The following METTL2B variants were observed in gnomAD, a reference collection of about 807,000 sequenced individuals.
METTL2B encodes the protein tRNA N(3)-cytidine methyltransferase METTL2B.
METTL2B carries 28 observed loss-of-function variants against 51.0 expected under a neutral mutation model. The ratio of observed to expected loss-of-function variants is 0.55; its 90% CI spans 0.41 to 0.75. The LOEUF (loss-of-function observed/expected upper bound fraction) is 0.75, where lower values mean the gene tolerates loss of function less well. Ranked by LOEUF, METTL2B falls within the 30% of genes least tolerant of loss-of-function variation. The pLI is 0.00. For missense variants in METTL2B, 313 were observed against 460.7 expected (o/e 0.68, Z 2.93); for synonymous variants, 128 against 166.3 (o/e 0.77, Z 1.77).
chr7:128,478,210 T>A (rs1799827183), intron 2 of METTL2B, among the ~76,000 whole-genome samples: 1 of 151,950 alleles, frequency 6.6e-6, no homozygotes, highest in African/African-American at 2.4e-5. Flanking sequence ...TCTGGGACTG[T>A]CATGATCACC....
At chr7:128,478,788 C>T (rs1313952001) in intron 2 of METTL2B, among the ~76,000 whole-genome samples, 1 of 151,836 alleles carries the variant, frequency 6.6e-6, no homozygotes, top group Non-Finnish European at 1.5e-5. Flanking sequence ...GGCATGAACC[C>T]GGGAGGTGGA....
intron 7 of METTL2B, among the ~76,000 whole-genome samples, chr7:128,499,286 C>G (rs1792982584): frequency 6.6e-6 from 1 of 152,138 alleles, no homozygotes; most frequent in Admixed American, 6.6e-5. Context: ...CAAGTTAGTA[C>G]TTCTTATTGC....
At chr7:128,492,358 A>G (rs1002585588) in intron 5 of METTL2B, among the ~76,000 whole-genome samples, 9 of 151,584 alleles carry the variant, frequency 5.9e-5, no homozygotes, top group African/African-American at 2.2e-4. Context: ...GGGTTTCACC[A>G]TGTTGGCCAG....
intron 6 of METTL2B, among the ~76,000 whole-genome samples, chr7:128,494,786 C>T (rs1375564256): frequency 6.6e-6 from 1 of 152,122 alleles, no homozygotes; most frequent in African/African-American, 2.4e-5. Flanking sequence ...CGCCACCATG[C>T]CTGGCTAATT....
intron 7 of METTL2B, 94 bp downstream of exon 7, chr7:128,498,236 A>C: frequency 7.0e-7 from 1 of 1,421,040 alleles, no homozygotes; most frequent in Non-Finnish European, 9.6e-7. Context: ...GCAAACTAAC[A>C]CAAGAACAGA....
intron 5 of METTL2B, 147 bp from the exon 6 acceptor site, chr7:128,493,657 A>G: frequency 8.7e-7 from 1 of 1,147,418 alleles, no homozygotes; most frequent in Non-Finnish European, 1.2e-6. Context: ...ACATGGGGAG[A>G]TTTTGCCTCA....
chr7:128,477,441 G>A (rs1584787558), intron 2 of METTL2B, among the ~76,000 whole-genome samples: 2 of 152,160 alleles, frequency 1.3e-5, no homozygotes, highest in South Asian at 4.1e-4. Flanking sequence ...GTAGATCCAC[G>A]TTGATATGGC....
At chr7:128,477,316 G>A in intron 2 of METTL2B, 143 bp downstream of exon 2, 1 of 1,136,904 alleles carries the variant, frequency 8.8e-7, no homozygotes, top group Non-Finnish European at 1.3e-6. Context: ...GGACAGGGAG[G>A]GGATGAGCAA....
At chr7:128,483,604 C>A (rs1419271182) in intron 4 of METTL2B, among the ~76,000 whole-genome samples, 8 of 152,188 alleles carry the variant, frequency 5.3e-5, no homozygotes, top group African/African-American at 1.9e-4. Flanking sequence ...TGCAGTGATT[C>A]GATCTCGGCT....
At chr7:128,484,358 G>T (rs1373628358) in intron 4 of METTL2B, among the ~76,000 whole-genome samples, 1 of 150,486 alleles carries the variant, frequency 6.6e-6, no homozygotes, top group East Asian at 2.0e-4. Context: ...CCAAGTAGCT[G>T]GGACAACAGG....
chr7:128,494,456 G>C (rs1366875829), intron 6 of METTL2B, among the ~76,000 whole-genome samples: 1 of 152,206 alleles, frequency 6.6e-6, no homozygotes, highest in African/African-American at 2.4e-5. Flanking sequence ...AACTTCTGCA[G>C]TAGTTGGTTC....
chr7:128,492,554 T>C (rs1037911636), intron 5 of METTL2B, among the ~76,000 whole-genome samples: 8 of 152,108 alleles, frequency 5.3e-5, no homozygotes, highest in Admixed American at 3.9e-4. Context: ...GGTGCTGGGA[T>C]TCTAGGCGTG....
chr7:128,476,791 C>T lies in METTL2B; in HGVS notation c.26C>T (p.Ala9Val), dbSNP rs747552289. The T allele has an allele frequency of 2.5e-6, 4 of 1,614,184 alleles. No homozygotes were observed. Among genetic ancestry groups the T allele is most frequent in the Middle Eastern group, 1.7e-4 (1 of 6,056 alleles). ...ATGGCCGGCTCCTACCCTGAAGGTG[C>T]ACCTGCAATCCTCGCCGATAAGAGG... MAGSYPEG[A>V]PAILADKRQQ... is the part of the protein sequence containing the mutation. Residue 9 changes from alanine (A) to valine (V), a missense_variant, in exon 1 of 9, where the codon GCA becomes GTA. This residue lies in a region of METTL2B where 66 missense variants were observed against 58.2 expected (regional missense o/e 1.13). Transcript: ENST00000262432.
intron 2 of METTL2B, 107 bp downstream of exon 2, chr7:128,477,280 C>G (rs575660266): frequency 1.7e-5 from 25 of 1,456,126 alleles, no homozygotes; most frequent in Non-Finnish European, 2.0e-5. Context: ...TATTCCTGGC[C>G]TGATGCGGAT....
At chr7:128,489,686 TGGCG>T (rs1434106263) in intron 5 of METTL2B, among the ~76,000 whole-genome samples, 2 of 139,690 alleles carry the variant, frequency 1.4e-5, no homozygotes, top group Non-Finnish European at 3.1e-5. Flanking sequence ...TGGACTGCAG[TGGCG>T]GGATCTCGGC....
chr7:128,478,353 C>G (rs1472476143), intron 2 of METTL2B, among the ~76,000 whole-genome samples: 1 of 151,114 alleles, frequency 6.6e-6, no homozygotes, highest in Non-Finnish European at 1.5e-5. Context: ...CTGGTTGAAG[C>G]GATTCCCCTG....
chr7:128,500,866 T>G (rs759497622), intron 7 of METTL2B, 37 bp from the exon 8 acceptor site: 2 of 1,612,552 alleles, frequency 1.2e-6, no homozygotes, highest in African/African-American at 2.7e-5. Context: ...AAGAGACACT[T>G]TAAAGTGTCT....
chr7:128,503,045 G>T lies in METTL2B; in HGVS notation c.*1129G>T, dbSNP rs1399448435. 1 of 159,706 alleles carries T rather than the reference G, an allele frequency of 6.3e-6. No homozygotes were observed. The highest frequency in any genetic ancestry group is 1.4e-5 in the Non-Finnish European group (1 of 72,494). 9.9% of individuals were successfully genotyped at this position (159,706 alleles called of 1,614,324 possible). On this transcript the variant is annotated 3_prime_UTR_variant, in exon 9 of 9. Coordinates refer to ENST00000262432, the MANE Select transcript of METTL2B (RefSeq NM_018396.3). Reference sequence around the variant, plus strand: ...ACACTTTGGGAGGCTGAGGCAGGTGGATCACGAGGTCAGGAGATCGAGACC... The same window carrying T: ...ACACTTTGGGAGGCTGAGGCAGGTGTATCACGAGGTCAGGAGATCGAGACC...
chr7:128,501,253 C>A, intron 8 of METTL2B: 1 of 985,440 alleles, frequency 1.0e-6, no homozygotes, highest in Non-Finnish European at 1.2e-6. Context: ...GGCTCACCTC[C>A]AGTCCAGCCT....
Sources: gnomAD v4.1 joint callset for allele counts (sites outside exome capture counted in the v4.1 genomes callset) on GRCh38, gnomAD v4.1.1 for gene constraint, gnomAD v4.1.1 regional missense constraint, MANE v1.5 for transcripts, NCBI Gene and HGNC (gene_info 2026-07-23, HGNC 2026-07-21) for gene names.